The following LIMS4 variants were observed in gnomAD, a reference collection of about 807,000 sequenced individuals.
The protein encoded by LIMS4 is LIM zinc finger domain containing 4.
At chr2:110,367,783 T>C in the LIMS4 span, among the ~76,000 whole-genome samples, 3 of 142,990 alleles carry the variant, frequency 2.1e-5, no homozygotes, top group South Asian at 6.5e-4. Context: ...TTCAGAAGGC[T>C]GAGGTGGGAA....
At chr2:110,386,708 G>C in the LIMS4 span, 1 of 817,034 alleles carries the variant, frequency 1.2e-6, no homozygotes, top group Non-Finnish European at 2.0e-6. Context: ...CTGCCAAGGA[G>C]CGTGGCTGCT....
chr2:110,383,073 C>G, the LIMS4 span: 5 of 45,068 alleles, frequency 1.1e-4, no homozygotes, highest in Admixed American at 1.0e-3. Flanking sequence ...GAGAAGGCGG[C>G]CACGGCCAGG....
At chr2:110,407,471 AG>A in the LIMS4 span, among the ~76,000 whole-genome samples, 1 of 32,694 alleles carries the variant, frequency 3.1e-5, no homozygotes, top group Non-Finnish European at 5.8e-5. Flanking sequence ...TAACTCTAAG[AG>A]GATGACATAA....
the LIMS4 span, among the ~76,000 whole-genome samples, chr2:110,396,260 C>T: frequency 1.6e-4 from 6 of 36,456 alleles, no homozygotes; most frequent in Non-Finnish European, 2.6e-4. Flanking sequence ...TGGAAGTGCT[C>T]GTGTCCCAAG....
chr2:110,397,282 A>G, the LIMS4 span: 2 of 135,252 alleles, frequency 1.5e-5, no homozygotes, highest in African/African-American at 5.7e-5. Flanking sequence ...TATTTAACTG[A>G]GAGTCATACT....
chr2:110,424,986 G>T, the LIMS4 span, among the ~76,000 whole-genome samples: 8 of 144,140 alleles, frequency 5.6e-5, no homozygotes, highest in African/African-American at 2.3e-4. Flanking sequence ...CCAGCCGGCA[G>T]CGACAACTGC....
chr2:110,442,690 TTTG>T (rs1412900462), downstream of LIMS4, among the ~76,000 whole-genome samples: 3 of 151,502 alleles, frequency 2.0e-5, no homozygotes, highest in African/African-American at 4.9e-5. Flanking sequence ...TGTATATATA[TTTG>T]TTGTTGTCGT....
chr2:110,425,417 G>T, the LIMS4 span, among the ~76,000 whole-genome samples: 1 of 139,640 alleles, frequency 7.2e-6, no homozygotes, highest in Non-Finnish European at 1.5e-5. Flanking sequence ...GCTAGGTGCT[G>T]ATTTCTGGCA....
chr2:110,453,607 CTCGG>C (rs1574286388), intron 5 of LIMS4, among the ~76,000 whole-genome samples: 1 of 151,964 alleles, frequency 6.6e-6, no homozygotes, highest in East Asian at 1.9e-4. Flanking sequence ...GTGACGCGAT[CTCGG>C]CTCACTGCAA....
the LIMS4 span, among the ~76,000 whole-genome samples, chr2:110,359,380 C>T: frequency 2.4e-5 from 2 of 84,104 alleles, no homozygotes; most frequent in East Asian, 6.1e-4. Flanking sequence ...AAATATAACT[C>T]TCTCAGAGAA....
chr2:110,425,072 C>A, the LIMS4 span, among the ~76,000 whole-genome samples: 3 of 142,624 alleles, frequency 2.1e-5, no homozygotes, highest in South Asian at 6.5e-4. Flanking sequence ...AGGGTCCCTG[C>A]CATCTTTAAG....
the LIMS4 span, chr2:110,362,205 A>G: frequency 1.0e-6 from 1 of 958,362 alleles, no homozygotes; most frequent in Non-Finnish European, 1.7e-6. Context: ...GGAAGATTTC[A>G]TTACACTCCA....
At chr2:110,379,173 G>A in the LIMS4 span, among the ~76,000 whole-genome samples, 2 of 151,684 alleles carry the variant, frequency 1.3e-5, no homozygotes, top group African/African-American at 2.4e-5. Flanking sequence ...GGGCTCCAAG[G>A]GTTGGTTTGA....
At chr2:110,367,773 T>C in the LIMS4 span, among the ~76,000 whole-genome samples, 1 of 144,098 alleles carries the variant, frequency 6.9e-6, no homozygotes, top group Non-Finnish European at 1.5e-5. Flanking sequence ...GTCCCAGCTA[T>C]TCAGAAGGCT....
chr2:110,433,430 A>C, the LIMS4 span: 1 of 146,792 alleles, frequency 6.8e-6, no homozygotes. Context: ...CACTTTGGGA[A>C]CTCACAGTTT....
At chr2:110,367,089 G>C in the LIMS4 span, among the ~76,000 whole-genome samples, 1 of 150,746 alleles carries the variant, frequency 6.6e-6, no homozygotes. Flanking sequence ...CAAACAAATC[G>C]AAAAACACTC....
chr2:110,365,257 C>T, the LIMS4 span, among the ~76,000 whole-genome samples: 1 of 149,968 alleles, frequency 6.7e-6, no homozygotes, highest in Non-Finnish European at 1.5e-5. Flanking sequence ...CCACGTGGTG[C>T]ATACTCTAAA....
chr2:110,359,646 A>G, the LIMS4 span, among the ~76,000 whole-genome samples: 1 of 91,028 alleles, frequency 1.1e-5, no homozygotes, highest in Admixed American at 1.5e-4. Flanking sequence ...TAAAGGATTA[A>G]GTCAGCTGAT....
At chr2:110,371,849 C>T in the LIMS4 span, among the ~76,000 whole-genome samples, 1,035 of 144,826 alleles carry the variant, frequency 7.1e-3, 48 homozygotes, top group African/African-American at 0.026. Context: ...CCTCCACCTG[C>T]CTGAGGAGCA....
Sources: gnomAD v4.1 joint callset for allele counts (sites outside exome capture counted in the v4.1 genomes callset) on GRCh38, gnomAD v4.1.1 for gene constraint, MANE v1.5 for transcripts, NCBI Gene and HGNC (gene_info 2026-07-23, HGNC 2026-07-21) for gene names.